Variants in GRIP1 observed in about 807,000 individuals in gnomAD.
The protein encoded by GRIP1 is glutamate receptor-interacting protein 1.
In GRIP1, 45 loss-of-function variants were observed where a neutral mutation model predicts 129.9. That is an observed-to-expected ratio of 0.35 (90% CI 0.27 to 0.44). The LOEUF is 0.44. GRIP1 is among the 20% of genes least tolerant of loss of function. The pLI is 1.00. For synonymous variants in GRIP1, 530 were observed against 520.8 expected (o/e 1.02, Z -0.24); for missense variants, 1,196 against 1,396.8 (o/e 0.86, Z 2.29).
intron 1 of GRIP1, among the ~76,000 whole-genome samples, chr12:66,601,977 A>G (rs1429098308): frequency 6.6e-6 from 1 of 152,192 alleles, no homozygotes; most frequent in Middle Eastern, 3.2e-3. Context: ...ATGGTACTGG[A>G]TTACCCGACG....
At chr12:66,638,240 T>C (rs2031592306) in intron 1 of GRIP1, among the ~76,000 whole-genome samples, 1 of 152,338 alleles carries the variant, frequency 6.6e-6, no homozygotes, top group East Asian at 1.9e-4. Context: ...AAATACCATA[T>C]TTTGCATTTT....
intron 4 of GRIP1, among the ~76,000 whole-genome samples, chr12:66,536,675 T>C (rs1235747642): frequency 1.3e-5 from 2 of 152,222 alleles, no homozygotes; most frequent in African/African-American, 4.8e-5. Flanking sequence ...TCCCTCTCCT[T>C]GCACTGCTTT....
intron 1 of GRIP1, among the ~76,000 whole-genome samples, chr12:66,889,746 G>A (rs751034879): frequency 7.2e-5 from 11 of 152,130 alleles, no homozygotes; most frequent in Non-Finnish European, 1.5e-4. Flanking sequence ...ATGTCATCAT[G>A]TGTTAACTGT....
At chr12:66,564,948 C>A (rs1297757128) in intron 2 of GRIP1, among the ~76,000 whole-genome samples, 1 of 141,306 alleles carries the variant, frequency 7.1e-6, no homozygotes, top group African/African-American at 2.6e-5. Context: ...TCTGTTCACA[C>A]CCTTCACCCA....
chr12:66,977,598 G>A (rs1203627503), intron 1 of GRIP1, among the ~76,000 whole-genome samples: 1 of 151,928 alleles, frequency 6.6e-6, no homozygotes, highest in Non-Finnish European at 1.5e-5. Context: ...CCACAATTCT[G>A]ACTTTCAACA....
chr12:66,712,852 G>A (rs2136406138), intron 1 of GRIP1, among the ~76,000 whole-genome samples: 1 of 152,142 alleles, frequency 6.6e-6, no homozygotes, highest in East Asian at 1.9e-4. Flanking sequence ...TCACTATGTA[G>A]AATAATGAGT....
chr12:66,565,327 C>T (rs1402430720), intron 2 of GRIP1, among the ~76,000 whole-genome samples: 1 of 152,172 alleles, frequency 6.6e-6, no homozygotes. Context: ...GATCCAGTTT[C>T]AGCTTTCAAT....
At chr12:66,967,005 T>C (rs2042007519) in intron 1 of GRIP1, among the ~76,000 whole-genome samples, 1 of 152,196 alleles carries the variant, frequency 6.6e-6, no homozygotes, top group South Asian at 2.1e-4. Flanking sequence ...CCTCCATTTA[T>C]TTATTTTTTG....
At chr12:66,441,208 A>T (rs2058463160) in intron 13 of GRIP1, among the ~76,000 whole-genome samples, 1 of 152,246 alleles carries the variant, frequency 6.6e-6, no homozygotes, top group Non-Finnish European at 1.5e-5. Context: ...TCCATAGTAT[A>T]TTTAAGCTAT....
Position 66,371,829 on chromosome 12 carries a change from G to T in GRIP1, c.2877C>A (p.Ser959Arg). 1 of 1,613,948 alleles carries T rather than the reference G, an allele frequency of 6.2e-7. No homozygotes were observed. The highest frequency in any genetic ancestry group is 1.3e-5 in the African/African-American group (1 of 75,056). The change falls in exon 23 of 25, where the codon AGC (serine) becomes AGA (arginine). Residue 959 changes from serine to arginine, a missense_variant. Physicochemically the swap from Ser to Arg is moderately radical, Grantham distance 110. Coordinates refer to ENST00000359742, the MANE Select transcript of GRIP1 (RefSeq NM_001366722.1). ...TTGTTTGGCTGTAGTGCGGCCGCGA[G>T]CTGCTGCGCTCCTGGAAGCTGGCCT... Reference protein sequence around the residue: ...GRQASFQERSSSRPHYSQTTR... With the variant: ...GRQASFQERSRSRPHYSQTTR...
chr12:66,695,011 A>G (rs2035106361), intron 1 of GRIP1, among the ~76,000 whole-genome samples: 1 of 152,240 alleles, frequency 6.6e-6, no homozygotes, highest in Non-Finnish European at 1.5e-5. Context: ...TTCATAAAAC[A>G]AAGGCAAATC....
At chr12:67,043,096 A>G (rs910787825) in intron 1 of GRIP1, among the ~76,000 whole-genome samples, 1 of 152,178 alleles carries the variant, frequency 6.6e-6, no homozygotes, top group African/African-American at 2.4e-5. Flanking sequence ...ACAAAGGCCA[A>G]GGCTGGCTCT....
chr12:67,068,470 C>T (rs1042443534), intron 1 of GRIP1, among the ~76,000 whole-genome samples: 8 of 151,990 alleles, frequency 5.3e-5, no homozygotes, highest in East Asian at 3.9e-4. Context: ...GACAATCTTT[C>T]CCCTCCTCTC....
chr12:66,717,946 C>T (rs2035943523), intron 1 of GRIP1, among the ~76,000 whole-genome samples: 1 of 152,088 alleles, frequency 6.6e-6, no homozygotes, highest in Admixed American at 6.6e-5. Flanking sequence ...ATCTTGTTTC[C>T]TGGGTGTGCC....
chr12:66,524,559 G>A (rs539129500), intron 5 of GRIP1, among the ~76,000 whole-genome samples: 29 of 151,994 alleles, frequency 1.9e-4, no homozygotes, highest in African/African-American at 6.8e-4. Flanking sequence ...AGCACTAAAT[G>A]CCCACAAGAG....
chr12:66,941,364 A>G (rs2041582822), intron 1 of GRIP1, among the ~76,000 whole-genome samples: 1 of 152,226 alleles, frequency 6.6e-6, no homozygotes, highest in South Asian at 2.1e-4. Flanking sequence ...TCTTATCAAT[A>G]GCATGAATGA....
intron 1 of GRIP1, among the ~76,000 whole-genome samples, chr12:66,677,641 C>T (rs1224612534): frequency 2.0e-5 from 3 of 152,132 alleles, no homozygotes; most frequent in Non-Finnish European, 4.4e-5. Context: ...CCCCAAAGTA[C>T]CTTTTAAAGG....
intron 1 of GRIP1, among the ~76,000 whole-genome samples, chr12:66,919,414 G>C (rs534969427): frequency 2.2e-4 from 34 of 152,304 alleles, no homozygotes; most frequent in African/African-American, 7.9e-4. Flanking sequence ...TTCATGTAAA[G>C]AGCAAGGTGG....
intron 23 of GRIP1, among the ~76,000 whole-genome samples, chr12:66,365,498 T>C (rs1054511258): frequency 2.0e-5 from 3 of 152,190 alleles, no homozygotes; most frequent in East Asian, 3.8e-4. Context: ...AACAGAATCA[T>C]AGAGAAGGGA....
Sources: allele counts gnomAD v4.1 joint callset (sites outside exome capture counted in the v4.1 genomes callset), GRCh38; gene constraint gnomAD v4.1.1; transcripts MANE v1.5; gene names NCBI Gene and HGNC (gene_info 2026-07-23, HGNC 2026-07-21).